PHLPP1: variants seen among roughly 807,000 people sequenced by gnomAD.
PHLPP1 encodes the protein PH domain leucine-rich repeat-containing protein phosphatase 1.
PHLPP1 carries 42 observed loss-of-function variants against 117.2 expected under a neutral mutation model. That is an observed-to-expected ratio of 0.36 (90% CI 0.28 to 0.46). The LOEUF is 0.46. Among genes scored for constraint, PHLPP1 ranks in the 20% least tolerant of loss-of-function variants. PHLPP1 has a pLI of 1.00. For synonymous variants in PHLPP1, 1,042 were observed against 970.7 expected (o/e 1.07, Z -1.37); for missense variants, 2,084 against 2,241.9 (o/e 0.93, Z 1.42).
At chr18:62,828,164 T>C (rs546007472) in intron 1 of PHLPP1, among the ~76,000 whole-genome samples, 1 of 152,278 alleles carries the variant, frequency 6.6e-6, no homozygotes, top group South Asian at 2.1e-4. Flanking sequence ...TATTATTCTT[T>C]GTCTTTTCTT....
intron 10 of PHLPP1, among the ~76,000 whole-genome samples, chr18:62,937,781 G>A (rs1274378964): frequency 6.6e-6 from 1 of 152,170 alleles, no homozygotes; most frequent in Non-Finnish European, 1.5e-5. Context: ...GGAGGCCTAG[G>A]CAGGTGGGTC....
intron 4 of PHLPP1, among the ~76,000 whole-genome samples, chr18:62,864,967 G>A (rs1915734205): frequency 6.6e-6 from 1 of 152,156 alleles, no homozygotes; most frequent in African/African-American, 2.4e-5. Flanking sequence ...AAAGACAAAT[G>A]GTAGGACTGA....
intron 1 of PHLPP1, among the ~76,000 whole-genome samples, chr18:62,820,048 A>G (rs1182779097): frequency 6.6e-6 from 1 of 152,228 alleles, no homozygotes; most frequent in Non-Finnish European, 1.5e-5. Flanking sequence ...TAGAGTGGCT[A>G]TATTTGTATT....
chr18:62,880,843 T>C (rs1351156980), intron 4 of PHLPP1, among the ~76,000 whole-genome samples: 1 of 152,192 alleles, frequency 6.6e-6, no homozygotes, highest in Non-Finnish European at 1.5e-5. Flanking sequence ...GGCTGCTGTT[T>C]TCACGTAATT....
At chr18:62,878,455 A>C (rs1916099177) in intron 4 of PHLPP1, among the ~76,000 whole-genome samples, 1 of 152,284 alleles carries the variant, frequency 6.6e-6, no homozygotes, top group South Asian at 2.1e-4. Context: ...AGTTTTGAAA[A>C]CTAAGGACCC....
intron 4 of PHLPP1, among the ~76,000 whole-genome samples, chr18:62,888,287 A>ATGTGTGTGTGTGTG (rs200659921): frequency 4.6e-5 from 6 of 130,898 alleles, no homozygotes; most frequent in African/African-American, 1.1e-4. Flanking sequence ...ATTTCACAAA[A>ATGTGTGTGTGTGTG]TGTGTGTGTG....
chr18:62,763,660 G>A (rs1217469964), intron 1 of PHLPP1, among the ~76,000 whole-genome samples: 1 of 152,118 alleles, frequency 6.6e-6, no homozygotes, highest in Non-Finnish European at 1.5e-5. Flanking sequence ...GTCAGAGTCA[G>A]TCAGTCCATG....
At chr18:62,922,112 GGTTTTTT>G (rs1909485890) in intron 10 of PHLPP1, among the ~76,000 whole-genome samples, 1 of 139,858 alleles carries the variant, frequency 7.2e-6, no homozygotes, top group Non-Finnish European at 1.6e-5. Flanking sequence ...TTTGGTTTTG[GGTTTTTT>G]GTTTGTTTGT....
At chr18:62,717,550 C>G (rs958313373) in intron 1 of PHLPP1, among the ~76,000 whole-genome samples, 2 of 152,126 alleles carry the variant, frequency 1.3e-5, no homozygotes, top group Non-Finnish European at 2.9e-5. Context: ...GGCAAGAGCA[C>G]CTTTAACCAT....
chr18:62,730,790 CAAAAAA>C (rs34266723), intron 1 of PHLPP1, among the ~76,000 whole-genome samples: 16 of 70,608 alleles, frequency 2.3e-4, no homozygotes, highest in Non-Finnish European at 3.5e-4. Flanking sequence ...AACTTTGTCT[CAAAAAA>C]AAAAAAAAAA....
At chr18:62,947,595 G>A (rs1910336477) in intron 12 of PHLPP1, among the ~76,000 whole-genome samples, 1 of 152,186 alleles carries the variant, frequency 6.6e-6, no homozygotes, top group Non-Finnish European at 1.5e-5. Context: ...TCTAGCACAA[G>A]AGAAAGTGAG....
At chr18:62,869,919 G>T (rs918171249) in intron 4 of PHLPP1, among the ~76,000 whole-genome samples, 31 of 152,076 alleles carry the variant, frequency 2.0e-4, no homozygotes, top group African/African-American at 6.3e-4. Context: ...ACGGGCTCTT[G>T]CTCTGTCGCC....
intron 1 of PHLPP1, among the ~76,000 whole-genome samples, chr18:62,721,429 GGTGTGTGTGTGTGT>G (rs71340107): frequency 6.9e-6 from 1 of 144,312 alleles, no homozygotes; most frequent in African/African-American, 2.5e-5. Context: ...GAGGGGTGTG[GGTGTGTGTGTGTGT>G]GTGTGTGTGT....
chr18:62,804,126 G>A (rs775627279), intron 1 of PHLPP1, among the ~76,000 whole-genome samples: 1 of 152,118 alleles, frequency 6.6e-6, no homozygotes, highest in Non-Finnish European at 1.5e-5. Flanking sequence ...TTGAAGGAGA[G>A]GCAAGTACCT....
chr18:62,879,974 C>T (rs1916138598), intron 4 of PHLPP1, among the ~76,000 whole-genome samples: 1 of 152,086 alleles, frequency 6.6e-6, no homozygotes, highest in South Asian at 2.1e-4. Context: ...ACTTCCTCCC[C>T]CCACCCCCCA....
intron 5 of PHLPP1, 116 bp downstream of exon 5, chr18:62,895,273 C>A: frequency 9.7e-7 from 1 of 1,032,950 alleles, no homozygotes; most frequent in Non-Finnish European, 1.4e-6. Flanking sequence ...GTCTTGGCCC[C>A]AAATCAAGAG....
At chr18:62,941,672 T>G (rs1248019048) in intron 10 of PHLPP1, 46 bp from the exon 11 acceptor site, 1 of 1,442,792 alleles carries the variant, frequency 6.9e-7, no homozygotes, top group Non-Finnish European at 9.6e-7. Context: ...TTCTTGAGGG[T>G]TTTTGTGACT....
At chr18:62,726,902 A>G (rs1261495709) in intron 1 of PHLPP1, among the ~76,000 whole-genome samples, 1 of 151,524 alleles carries the variant, frequency 6.6e-6, no homozygotes, top group Non-Finnish European at 1.5e-5. Context: ...ATAGTTTTCT[A>G]TGCATAAAAA....
chr18:62,758,376 T>C (rs909680038), intron 1 of PHLPP1, among the ~76,000 whole-genome samples: 1 of 152,156 alleles, frequency 6.6e-6, no homozygotes, highest in African/African-American at 2.4e-5. Flanking sequence ...GCTAAGTAAC[T>C]TGGTGAAGAT....
Sources: allele counts gnomAD v4.1 joint callset (sites outside exome capture counted in the v4.1 genomes callset), GRCh38; gene constraint gnomAD v4.1.1; transcripts MANE v1.5; gene names NCBI Gene and HGNC (gene_info 2026-07-23, HGNC 2026-07-21).